The following GLI3 variants were observed in gnomAD, a reference collection of about 807,000 sequenced individuals.
GLI3 encodes transcription activator GLI3.
A neutral mutation model predicts 100.8 loss-of-function variants in GLI3; 20 were observed. That is an observed-to-expected ratio of 0.20 (90% CI 0.14 to 0.29). The LOEUF (loss-of-function observed/expected upper bound fraction) is 0.29, where lower values mean the gene tolerates loss of function less well. Among genes scored for constraint, GLI3 ranks in the 10% least tolerant of loss-of-function variants. GLI3 has a pLI of 1.00. For missense variants in GLI3, 2,040 were observed against 2,128.5 expected (o/e 0.96, Z 0.82); for synonymous variants, 938 against 860.5 (o/e 1.09, Z -1.58).
chr7:42,234,959 C>G (rs1174358167), intron 1 of GLI3, among the ~76,000 whole-genome samples: 1 of 152,106 alleles, frequency 6.6e-6, no homozygotes, highest in Non-Finnish European at 1.5e-5. Flanking sequence ...TGTTTGTGTA[C>G]CAGGTCGTTA....
rs564708007 is a variant in GLI3 at position 42,204,150 on chromosome 7, G to A, written c.124+18980C>T. ...TCACATGAAGGATGGAGCCCAAAGT[G>A]TCTAGCATCGCCTTCATGGGCCTCC... On this transcript the variant is annotated intron_variant, in intron 2 of 14. Coordinates refer to ENST00000395925, the MANE Select transcript of GLI3 (RefSeq NM_000168.6). Among the ~76,000 whole-genome samples, 5 of 152,086 alleles carry A rather than the reference G, an allele frequency of 3.3e-5. No individual in the cohort carries two copies. In the South Asian group the frequency reaches 8.3e-4, roughly 25 times the overall value.
chr7:42,179,450 T>A (rs183502459), intron 2 of GLI3, among the ~76,000 whole-genome samples: 81 of 152,172 alleles, frequency 5.3e-4, no homozygotes, highest in African/African-American at 1.9e-3. Flanking sequence ...AATGGGACCC[T>A]TGGGTGAGTT....
At chr7:42,150,244 T>C (rs1013324271) in intron 2 of GLI3, 3 of 152,246 alleles carry the variant, frequency 2.0e-5, no homozygotes, top group African/African-American at 7.2e-5. Context: ...CATTGATCTC[T>C]ATGAAAGCAA....
chr7:41,985,305 A>G (rs1341578917), intron 10 of GLI3, among the ~76,000 whole-genome samples: 5 of 152,258 alleles, frequency 3.3e-5, no homozygotes, highest in Non-Finnish European at 7.3e-5. Context: ...AGGTGAGCTC[A>G]TAAATGCAGC....
At chr7:42,196,047 G>A (rs968162560) in intron 2 of GLI3, among the ~76,000 whole-genome samples, 1 of 152,102 alleles carries the variant, frequency 6.6e-6, no homozygotes, top group African/African-American at 2.4e-5. Flanking sequence ...AAAATTAATG[G>A]GGAGAAAAGC....
At chr7:42,145,458 T>C (rs1786678941) in intron 3 of GLI3, 1 of 398,062 alleles carries the variant, frequency 2.5e-6, no homozygotes, top group African/African-American at 2.1e-5. Flanking sequence ...AAAGTTATAG[T>C]CGATCTACTG....
chr7:42,095,351 C>T (rs1440428102), intron 3 of GLI3, among the ~76,000 whole-genome samples: 1 of 152,198 alleles, frequency 6.6e-6, no homozygotes, highest in Non-Finnish European at 1.5e-5. Context: ...TTCAGGGCTC[C>T]TACACCATGC....
intron 1 of GLI3, among the ~76,000 whole-genome samples, chr7:42,243,259 A>G (rs922719512): frequency 6.6e-6 from 1 of 152,216 alleles, no homozygotes; most frequent in African/African-American, 2.4e-5. Flanking sequence ...GATGGTTTCT[A>G]TACCTTTGTT....
intron 2 of GLI3, among the ~76,000 whole-genome samples, chr7:42,217,848 A>G (rs1214364184): frequency 6.6e-6 from 1 of 152,232 alleles, no homozygotes; most frequent in South Asian, 2.1e-4. Context: ...TTTGTTTTGG[A>G]TTCATAACGT....
intron 2 of GLI3, among the ~76,000 whole-genome samples, chr7:42,210,199 G>C (rs1444317837): frequency 1.3e-5 from 2 of 151,972 alleles, no homozygotes; most frequent in East Asian, 1.9e-4. Context: ...TGTGGTCAAT[G>C]GTATTTGTTT....
In GLI3 at chr7:41,963,195, T is replaced by C. The variant is rs1042674945; in HGVS notation, c.*1135A>G. The C allele has an allele frequency of 6.6e-6, 1 of 152,232 alleles. No individual in the cohort carries two copies. Among genetic ancestry groups the C allele is most frequent in the Non-Finnish European group, 1.5e-5 (1 of 68,052 alleles). 9.4% of individuals were successfully genotyped at this position (152,232 alleles called of 1,614,324 possible). A position where few individuals can be genotyped will look rare whatever the true frequency, so the allele number is the denominator to read the frequency against. On this transcript the variant is annotated 3_prime_UTR_variant, in exon 15 of 15. Transcript: ENST00000395925. ...ATTTATTCCCACTATGTGGGCTTTC[T>C]CTTTTACAACTAAGTTTTATAAATC...
rs993755869 is a variant in GLI3 at position 42,096,153 on chromosome 7, A to C, written c.368-19296T>G. ...ATGTTCGGCTGCAAATAGAGAAGAC[A>C]GGGCAGCAGCTAGAGAAGACCCAAG... On this transcript the variant is annotated intron_variant, in intron 3 of 14. Transcript: ENST00000395925. Among the ~76,000 whole-genome samples the C allele has an allele frequency of 1.4e-4, 21 of 152,140 alleles. 1 individual carries two copies. The highest frequency in any genetic ancestry group is 2.4e-5 in the African/African-American group (1 of 41,436).
chr7:41,996,313 T>C (rs1788124264), intron 10 of GLI3, among the ~76,000 whole-genome samples: 1 of 152,168 alleles, frequency 6.6e-6, no homozygotes, highest in East Asian at 1.9e-4. Flanking sequence ...GAGTCCACAT[T>C]AGAGAAAAGG....
intron 3 of GLI3, among the ~76,000 whole-genome samples, chr7:42,090,439 CCTT>C (rs1785193236): frequency 6.6e-6 from 1 of 152,202 alleles, no homozygotes; most frequent in Non-Finnish European, 1.5e-5. Context: ...ACCTGAATAT[CCTT>C]AGGCAGCACA....
chr7:42,248,257 G>GTT (rs1310866514), intron 1 of GLI3, among the ~76,000 whole-genome samples: 5 of 152,126 alleles, frequency 3.3e-5, no homozygotes, highest in African/African-American at 1.2e-4. Context: ...TCATCATAAA[G>GTT]TTGCTCATAT....
chr7:42,041,053 T>C (rs1242561047), intron 6 of GLI3, among the ~76,000 whole-genome samples: 2 of 152,140 alleles, frequency 1.3e-5, no homozygotes, highest in Admixed American at 6.5e-5. Flanking sequence ...AAGAAACATT[T>C]AAAAGGTGGG....
intron 2 of GLI3, among the ~76,000 whole-genome samples, chr7:42,156,214 G>A (rs1037997872): frequency 4.6e-5 from 7 of 152,174 alleles, no homozygotes; most frequent in Non-Finnish European, 1.0e-4. Context: ...AAAGGGAGGA[G>A]ATCTACCTTA....
Position 42,018,689 on chromosome 7 carries a change from T to A in GLI3, c.1497+4779A>T, listed in dbSNP as rs183815978. Among the ~76,000 whole-genome samples the A allele has an allele frequency of 3.3e-5, 5 of 152,350 alleles. No individual in the cohort carries two copies. In the East Asian group the frequency reaches 9.6e-4, roughly 29 times the overall value. ...AAATGGCAGCAAAGGTGATTATGAC[T>A]GTGTTCTTCTGATAAAGGAAACTTC... On this transcript the variant is annotated intron_variant, in intron 10 of 14. Transcript: ENST00000395925.
At chr7:42,152,494 C>T (rs1321521060) in intron 2 of GLI3, 3 of 834,598 alleles carry the variant, frequency 3.6e-6, no homozygotes, top group Non-Finnish European at 1.4e-6. Flanking sequence ...ATGCTGCTCC[C>T]ATTAGAGGAA....
Sources: gnomAD v4.1 joint callset for allele counts (sites outside exome capture counted in the v4.1 genomes callset) on GRCh38, gnomAD v4.1.1 for gene constraint, MANE v1.5 for transcripts, NCBI Gene and HGNC (gene_info 2026-07-23, HGNC 2026-07-21) for gene names.